USP20: variants seen among roughly 807,000 people sequenced by gnomAD.
USP20 encodes ubiquitin carboxyl-terminal hydrolase 20.
Under a neutral mutation model 124.2 loss-of-function variants are expected in USP20, and 80 were observed. The observed-to-expected ratio is 0.64, with a 90% CI of 0.54 to 0.78. The LOEUF is 0.78. USP20 is among the 30% of genes least tolerant of loss of function. USP20 has a pLI of 0.00. For missense variants in USP20, 1,043 were observed against 1,244.4 expected (o/e 0.84, Z 2.44); for synonymous variants, 481 against 512.3 (o/e 0.94, Z 0.83).
chr9:129,871,356 CTT>C (rs199517207), intron 15 of USP20, among the ~76,000 whole-genome samples: 2,432 of 152,154 alleles, frequency 0.016, 58 homozygotes, highest in Non-Finnish European at 0.02. Flanking sequence ...AATGCCCTGC[CTT>C]TTGTATGCTG....
At chr9:129,875,103 T>C (rs1172266550) in intron 19 of USP20, 148 bp downstream of exon 19, 17 of 1,396,648 alleles carry the variant, frequency 1.2e-5, no homozygotes, top group Non-Finnish European at 1.4e-5. Flanking sequence ...CTCTGGCTGC[T>C]GTGGGGAACC....
rs1382297670 is a variant in USP20 at position 129,881,285 on chromosome 9, C to T, written c.*835C>T. Reference sequence around the variant, plus strand: ...CTGATGCTAAAGAAGACAGACTTTCCCTTCCTCCCAGCAGCAGCAGTGCAG... The same window carrying T: ...CTGATGCTAAAGAAGACAGACTTTCTCTTCCTCCCAGCAGCAGCAGTGCAG... On this transcript the variant is annotated 3_prime_UTR_variant, in exon 26 of 26. Transcript: ENST00000372429. The T allele has an allele frequency of 1.3e-5, 2 of 152,350 alleles. No individual in the cohort carries two copies. The highest frequency in any genetic ancestry group is 2.9e-5 in the Non-Finnish European group (2 of 68,156). The allele number at this position is 152,350 out of a possible 1,614,324, so 9.4% of individuals were successfully genotyped here. A position where few individuals can be genotyped will look rare whatever the true frequency, so the allele number is the denominator to read the frequency against.
chr9:129,838,966 G>C (rs1269504965), intron 1 of USP20, among the ~76,000 whole-genome samples: 1 of 152,210 alleles, frequency 6.6e-6, no homozygotes, highest in East Asian at 1.9e-4. Context: ...AAGTTAAGCT[G>C]AGCAGAAAAA....
rs754236849 is a variant in USP20, at chr9:129,876,163, C to T, written c.2334C>T (p.Tyr778=). The change falls in exon 22 of 26, where the codon TAC becomes TAT. Residue 778 remains tyrosine, a synonymous_variant. Transcript: ENST00000372429. Reference sequence around the variant, plus strand: ...GTGGCCCCGCCGTGAACCACCTGTACGTGTGCTCCATCTGCCAGGTGGAGA... The same window carrying T: ...GTGGCCCCGCCGTGAACCACCTGTATGTGTGCTCCATCTGCCAGGTGGAGA... The part of the protein sequence containing the change: ...FGGGPAVNHL[Y]VCSICQVEIE... 1.5e-5 allele frequency: 25 copies of T among 1,613,308 alleles called. No individual in the cohort carries two copies. Among genetic ancestry groups the T allele is most frequent in the East Asian group, 6.7e-5 (3 of 44,886 alleles).
rs1423662193 is a variant in USP20, at chr9:129,839,540, GGTAGA to G, written c.-129+4045_-129+4049del. On this transcript the variant is annotated intron_variant, in intron 1 of 25. Coordinates refer to ENST00000372429, the MANE Select transcript of USP20 (RefSeq NM_001110303.4). This position sits in a 1 kb window ranked among gnomAD's most constrained non-coding sequence, Gnocchi z 4.5. ...CTTAGGGAGAATGCTGTTGTGTGGAGGTAGAGTAAAGACAGCAGGAGGGAGAGAAA... is the reference window on the plus strand; with the variant it reads ...CTTAGGGAGAATGCTGTTGTGTGGAGGTAAAGACAGCAGGAGGGAGAGAAA... Among the ~76,000 whole-genome samples, 1 of 152,008 alleles carries G rather than the reference GGTAGA, an allele frequency of 6.6e-6. No homozygotes were observed. Among genetic ancestry groups the G allele is most frequent in the African/African-American group, 2.4e-5 (1 of 41,348 alleles).
rs2032949958 is a variant in USP20 at position 129,852,046 on chromosome 9, C to G, written c.-16-494C>G. Among the ~76,000 whole-genome samples, 3 of 152,334 alleles carry G rather than the reference C, an allele frequency of 2.0e-5. No individual in the cohort carries two copies. The South Asian group carries it at 6.2e-4, about 32-fold the overall frequency. On this transcript the variant is annotated intron_variant, in intron 2 of 25. Coordinates refer to ENST00000372429, the MANE Select transcript of USP20 (RefSeq NM_001110303.4). ...GGATAAGTGGTCTGCCAGCACTTGG[C>G]CTCCAGAGGCTCTTGAGAAGACCTA...
chr9:129,846,679 AGT>A (rs1191232959), intron 1 of USP20, among the ~76,000 whole-genome samples: 1 of 147,774 alleles, frequency 6.8e-6, no homozygotes, highest in Non-Finnish European at 1.5e-5. Flanking sequence ...GCCGGAGTGC[AGT>A]GGCACGATCT....
chr9:129,878,947 G>A (rs1337848922), intron 23 of USP20, among the ~76,000 whole-genome samples: 5 of 152,202 alleles, frequency 3.3e-5, no homozygotes, highest in South Asian at 2.1e-4. Context: ...TCCGGGGCCC[G>A]GCAGGGTGGG....
At chr9:129,863,910 G>A (rs1485725043) in intron 9 of USP20, among the ~76,000 whole-genome samples, 1 of 151,868 alleles carries the variant, frequency 6.6e-6, no homozygotes, top group Admixed American at 6.6e-5. Flanking sequence ...GATCGAGACC[G>A]TTCTGGCCAA....
Position 129,869,179 on chromosome 9 carries a change from A to G in USP20, c.1277-131A>G, listed in dbSNP as rs906248606. ...GCAGAGGATGACACAGAGGCATGAG[A>G]TGGTGAATTGCTTACCCAGTCATGT... On this transcript the variant is annotated intron_variant, in intron 12 of 25. Coordinates refer to ENST00000372429, the MANE Select transcript of USP20 (RefSeq NM_001110303.4). The G allele has an allele frequency of 8.4e-6, 11 of 1,315,280 alleles. No homozygotes were observed. In the South Asian group the frequency reaches 1.3e-4, roughly 16 times the overall value. The allele number at this position is 1,315,280 out of a possible 1,614,324, so 81.5% of individuals were successfully genotyped here. A position where few individuals can be genotyped will look rare whatever the true frequency, so the allele number is the denominator to read the frequency against.
Position 129,839,141 on chromosome 9 carries a change from G to A in USP20, c.-129+3642G>A, listed in dbSNP as rs1056819683. 4.6e-5 allele frequency among the ~76,000 whole-genome samples: 7 copies of A among 152,140 alleles called. No homozygotes were observed. Among genetic ancestry groups the A allele is most frequent in the African/African-American group, 9.7e-5 (4 of 41,424 alleles). ...AGCATGGGCTTCAGGGCAGGTAGTC[G>A]TGGGTTCGAATTTTGGTTCTGCAGC... On this transcript the variant is annotated intron_variant, in intron 1 of 25. Coordinates refer to ENST00000372429, the MANE Select transcript of USP20 (RefSeq NM_001110303.4). The surrounding 1 kb of genome is among the most constrained non-coding windows in gnomAD (Gnocchi z 4.5).
intron 9 of USP20, among the ~76,000 whole-genome samples, chr9:129,864,192 G>T (rs1180336652): frequency 6.6e-6 from 1 of 152,026 alleles, no homozygotes; most frequent in South Asian, 2.1e-4. Flanking sequence ...CGTGGGGCCA[G>T]ATGCAGTCAC....
At position 129,879,537 on chromosome 9, in the gene USP20, C is replaced by T. The variant is rs1274287632; in HGVS notation, c.2513-36C>T. On this transcript the variant is annotated intron_variant, in intron 23 of 25. Coordinates refer to ENST00000372429, the MANE Select transcript of USP20 (RefSeq NM_001110303.4). This position sits in a 1 kb window ranked among gnomAD's most constrained non-coding sequence, Gnocchi z 4.2. ...CTGCTGTGGAGGGTGGAGGGCATGG[C>T]AGGGGCTGAACCCGAGCCCGCTGTG... The T allele has an allele frequency of 5.6e-6, 9 of 1,608,882 alleles. No homozygotes were observed. Among genetic ancestry groups the T allele is most frequent in the Non-Finnish European group, 7.6e-6 (9 of 1,176,588 alleles).
At position 129,881,825 on chromosome 9, in the gene USP20, T is replaced by C. The variant is rs1343234025; in HGVS notation, c.*1375T>C. On this transcript the variant is annotated 3_prime_UTR_variant, in exon 26 of 26. Transcript: ENST00000372429. ...AATGTCAGAATAAACACAGAATAAA[T>C]GTTCCCACGGCCACACAGTCGTCTC... 1 of 152,290 alleles carries C rather than the reference T, an allele frequency of 6.6e-6. No individual in the cohort carries two copies. The highest frequency in any genetic ancestry group is 2.4e-5 in the African/African-American group (1 of 41,470). The allele number at this position is 152,290 out of a possible 1,614,324, so 9.4% of individuals were successfully genotyped here. A position where few individuals can be genotyped will look rare whatever the true frequency, so the allele number is the denominator to read the frequency against.
At chr9:129,853,948 G>A (rs2033079049) in intron 3 of USP20, among the ~76,000 whole-genome samples, 1 of 151,830 alleles carries the variant, frequency 6.6e-6, no homozygotes, top group Admixed American at 6.6e-5. Flanking sequence ...CTCCTCTTTG[G>A]GTATCCAGAA....
intron 4 of USP20, among the ~76,000 whole-genome samples, chr9:129,856,573 A>G (rs1213748760): frequency 6.6e-6 from 1 of 152,218 alleles, no homozygotes; most frequent in East Asian, 1.9e-4. Context: ...ATGACAGGAG[A>G]AAAAAATAGG....
intron 1 of USP20, among the ~76,000 whole-genome samples, chr9:129,846,341 A>G (rs2032567956): frequency 7.6e-6 from 1 of 131,688 alleles, no homozygotes; most frequent in African/African-American, 2.9e-5. Context: ...CTGCAGCCTC[A>G]TACTTCTGGG....
chr9:129,868,481 C>T (rs369228778), intron 11 of USP20, 32 bp downstream of exon 11: 8 of 1,594,684 alleles, frequency 5.0e-6, no homozygotes, highest in Non-Finnish European at 6.8e-6. Context: ...CGGGAGGAAC[C>T]TCAGCCTATG....
Position 129,870,495 on chromosome 9 carries a change from C to T in USP20, c.1608C>T (p.Val536=), listed in dbSNP as rs764617443. ...SCTPSWFWGP[V]VTLEDCLAAF... Reference sequence around the variant, plus strand: ...CCCCCAGCTGGTTTTGGGGGCCTGTCGTCACCCTGGAAGACTGCCTTGCTG... The same window carrying T: ...CCCCCAGCTGGTTTTGGGGGCCTGTTGTCACCCTGGAAGACTGCCTTGCTG... The change falls in exon 15 of 26, where the codon GTC becomes GTT. Residue 536 remains valine (V), a synonymous_variant. Coordinates refer to ENST00000372429, the MANE Select transcript of USP20 (RefSeq NM_001110303.4). 1.9e-6 allele frequency: 3 copies of T among 1,614,148 alleles called. No individual in the cohort carries two copies. The highest frequency in any genetic ancestry group is 1.1e-5 in the South Asian group (1 of 91,066).
Sources: gnomAD v4.1 joint callset for allele counts (sites outside exome capture counted in the v4.1 genomes callset) on GRCh38, gnomAD v4.1.1 for gene constraint, Gnocchi (gnomAD v3.1) non-coding constraint, MANE v1.5 for transcripts, NCBI Gene and HGNC (gene_info 2026-07-23, HGNC 2026-07-21) for gene names.